The following KIF26B variants were observed in gnomAD, a reference collection of about 807,000 sequenced individuals.
The protein encoded by KIF26B is kinesin-like protein KIF26B.
A neutral mutation model predicts 151.2 loss-of-function variants in KIF26B; 63 were observed. That is an observed-to-expected ratio of 0.42 (90% confidence interval 0.34 to 0.51). KIF26B has a LOEUF of 0.51. Ranked by LOEUF, KIF26B falls within the 20% of genes least tolerant of loss-of-function variation. The pLI is 0.07. For synonymous variants in KIF26B, 1,357 were observed against 1,262.1 expected, an observed-to-expected ratio of 1.08 and a Z score of -1.59; for missense variants, 2,813 against 2,913.6, an observed-to-expected ratio of 0.97 and a Z score of 0.79.
At position 245,688,745 on chromosome 1, in the gene KIF26B, A is replaced by C. The variant is rs768571998; in HGVS notation, c.5762A>C (p.Asn1921Thr). ...ASSAQDSTSE[N>T]SSSVGGRCRS... ...TCGGCGCAGGACTCCACGAGCGAGA[A>C]CAGCAGCTCCGTGGGCGGCAGGTGC... The change falls in exon 12 of 15, where the codon AAC becomes ACC. Residue 1921 changes from asparagine (N) to threonine (T), a missense_variant. Asn to Thr is a moderately conservative substitution (Grantham distance 65). Coordinates refer to ENST00000407071, the MANE Select transcript of KIF26B (RefSeq NM_018012.4). 11 of 1,603,648 alleles carry C rather than the reference A, an allele frequency of 6.9e-6. No homozygotes were observed. The Admixed American group carries it at 1.8e-4, about 27-fold the overall frequency.
chr1:245,332,946 C>G (rs1204386961), intron 2 of KIF26B, among the ~76,000 whole-genome samples: 1 of 152,096 alleles, frequency 6.6e-6, no homozygotes, highest in African/African-American at 2.4e-5. Flanking sequence ...CCAAATCCAG[C>G]AGAAAAAGGG....
intron 2 of KIF26B, among the ~76,000 whole-genome samples, chr1:245,232,654 G>A (rs983047924): frequency 3.3e-5 from 5 of 151,738 alleles, no homozygotes; most frequent in Admixed American, 1.3e-4. Flanking sequence ...AGGTTCAAGC[G>A]ATTCTCCTGT....
In KIF26B at chr1:245,219,287, C is replaced by T. The variant is rs1056964591; in HGVS notation, c.465+62604C>T. On this transcript the variant is annotated intron_variant, in intron 2 of 14. Transcript: ENST00000407071. ...CCGAGTAGCTGGGACTACAGGTGCC[C>T]GCCACCACGCGCAGCTAATTTTTTA... 5.3e-5 allele frequency among the ~76,000 whole-genome samples: 8 copies of T among 151,810 alleles called. No individual in the cohort carries two copies. In the East Asian group the frequency reaches 9.9e-4, roughly 19 times the overall value.
chr1:245,156,182 G>A (rs1369642384), intron 1 of KIF26B, 100 bp from the exon 2 acceptor site: 6 of 1,463,346 alleles, frequency 4.1e-6, no homozygotes, highest in Non-Finnish European at 5.4e-6. Flanking sequence ...ACTCCCGTGG[G>A]CGGTTCGAGC....
At chr1:245,437,917 CAT>C (rs1478926320) in intron 4 of KIF26B, among the ~76,000 whole-genome samples, 3 of 152,188 alleles carry the variant, frequency 2.0e-5, no homozygotes, top group Non-Finnish European at 2.9e-5. Flanking sequence ...TTGTCTGAAA[CAT>C]AGACTCTAAG....
At chr1:245,393,371 A>C (rs1392882089) in intron 3 of KIF26B, among the ~76,000 whole-genome samples, 1 of 151,970 alleles carries the variant, frequency 6.6e-6, no homozygotes, top group East Asian at 1.9e-4. Context: ...CAATATTTTC[A>C]TTGATCTCTC....
intron 5 of KIF26B, among the ~76,000 whole-genome samples, chr1:245,587,950 T>C (rs974300330): frequency 6.6e-6 from 1 of 152,224 alleles, no homozygotes; most frequent in African/African-American, 2.4e-5. Context: ...GCTTCTGACG[T>C]TTCCTTCAGA....
intron 5 of KIF26B, among the ~76,000 whole-genome samples, chr1:245,545,310 G>A (rs111669837): frequency 6.6e-5 from 10 of 151,934 alleles, no homozygotes; most frequent in Admixed American, 1.3e-4. Context: ...CCATCTTGGC[G>A]AGGCTGGTCT....
intron 2 of KIF26B, among the ~76,000 whole-genome samples, chr1:245,293,195 T>C (rs904266733): frequency 2.6e-5 from 4 of 152,052 alleles, no homozygotes; most frequent in African/African-American, 9.7e-5. Context: ...GTCTTCTACT[T>C]GGTTTGTCTC....
intron 4 of KIF26B, among the ~76,000 whole-genome samples, chr1:245,466,185 ATGTTTGTTTGTTTGTT>A (rs3068316): frequency 2.0e-5 from 3 of 151,154 alleles, no homozygotes; most frequent in Non-Finnish European, 3.0e-5. Context: ...ATCGATGGGA[ATGTTTGTTTGTTTGTT>A]TGTTTGTTTG....
In KIF26B at chr1:245,495,492, G is replaced by A. The variant is rs1279621793; in HGVS notation, c.1167-45275G>A. On this transcript the variant is annotated intron_variant, in intron 4 of 14. Coordinates refer to ENST00000407071, the MANE Select transcript of KIF26B (RefSeq NM_018012.4). This position sits in a 1 kb window ranked among gnomAD's most constrained non-coding sequence, Gnocchi z 4.2. ...ACATTTATCATGTCTTTGTGTTGTG[G>A]ACATTGAAAATCTTTTCTTCTAGCT... 6.6e-6 allele frequency among the ~76,000 whole-genome samples: 1 copy of A among 152,100 alleles called. No individual in the cohort carries two copies. Among genetic ancestry groups the A allele is most frequent in the East Asian group, 1.9e-4 (1 of 5,190 alleles).
rs1040625861 is a variant in KIF26B, at chr1:245,241,769, G to A, written c.465+85086G>A. On this transcript the variant is annotated intron_variant, in intron 2 of 14. Transcript: ENST00000407071. This position sits in a 1 kb window ranked among gnomAD's most constrained non-coding sequence, Gnocchi z 5.0. ...GTGGGCAGTGCTTCACAGCGGCAGCGGGAGCACTGGGTGCAGCCTCTGGAA... is the reference window on the plus strand; with the variant it reads ...GTGGGCAGTGCTTCACAGCGGCAGCAGGAGCACTGGGTGCAGCCTCTGGAA... 2.0e-5 allele frequency among the ~76,000 whole-genome samples: 3 copies of A among 152,158 alleles called. No individual in the cohort carries two copies. Among genetic ancestry groups the A allele is most frequent in the Non-Finnish European group, 2.9e-5 (2 of 68,028 alleles).
At chr1:245,588,159 T>G (rs1454927234) in intron 5 of KIF26B, among the ~76,000 whole-genome samples, 1 of 152,210 alleles carries the variant, frequency 6.6e-6, no homozygotes, top group African/African-American at 2.4e-5. Context: ...GTGAGGCTTT[T>G]TGTTTAATGC....
intron 2 of KIF26B, among the ~76,000 whole-genome samples, chr1:245,294,971 G>C (rs1671314113): frequency 2.0e-5 from 3 of 152,124 alleles, no homozygotes; most frequent in Admixed American, 1.3e-4. Flanking sequence ...CTGGGTTCTT[G>C]AGGGAGCCAG....
intron 4 of KIF26B, among the ~76,000 whole-genome samples, chr1:245,535,986 A>G (rs1377713233): frequency 1.3e-5 from 2 of 152,196 alleles, no homozygotes; most frequent in Non-Finnish European, 2.9e-5. Flanking sequence ...TGATGATGAT[A>G]GCATTGTCAT....
intron 3 of KIF26B, among the ~76,000 whole-genome samples, chr1:245,376,593 G>A (rs1337077567): frequency 6.6e-6 from 1 of 152,212 alleles, no homozygotes; most frequent in Admixed American, 6.5e-5. Context: ...CAATGAATGT[G>A]TGTGGATAGA....
Position 245,609,470 on chromosome 1 carries a change from T to C in KIF26B, c.1856T>C (p.Leu619Pro). Residue 619 changes from leucine to proline, a missense_variant, in exon 8 of 15, where the codon CTG becomes CCG. Transcript: ENST00000407071. ...CTGTCGGAGGTGGCCACGGGCAGCC[T>C]GCAGGACGGCCAGTCCCCGGGCGTG... ...DLLSEVATGSLQDGQSPGVYL... is the reference protein window; with the variant it reads ...DLLSEVATGSPQDGQSPGVYL... 1 of 1,602,540 alleles carries C rather than the reference T, an allele frequency of 6.2e-7. No homozygotes were observed. Among genetic ancestry groups the C allele is most frequent in the Non-Finnish European group, 8.5e-7 (1 of 1,174,418 alleles).
chr1:245,232,108 C>T (rs1453689930), intron 2 of KIF26B, among the ~76,000 whole-genome samples: 2 of 152,214 alleles, frequency 1.3e-5, no homozygotes, highest in African/African-American at 4.8e-5. Context: ...ACGTATCCAT[C>T]CATAAGATCC....
intron 10 of KIF26B, among the ~76,000 whole-genome samples, chr1:245,680,231 A>T (rs1572198114): frequency 1.3e-5 from 2 of 151,830 alleles, no homozygotes; most frequent in Admixed American, 1.3e-4. Context: ...AAGTTAAATG[A>T]TCATCATGAG....
Sources: allele counts gnomAD v4.1 joint callset (sites outside exome capture counted in the v4.1 genomes callset), GRCh38; gene constraint gnomAD v4.1.1; non-coding constraint Gnocchi (gnomAD v3.1); transcripts MANE v1.5; gene names NCBI Gene and HGNC (gene_info 2026-07-23, HGNC 2026-07-21).